Variants in MACROD2 observed in about 807,000 individuals in gnomAD.
MACROD2 encodes the protein ADP-ribose glycohydrolase MACROD2.
Under a neutral mutation model 70.4 loss-of-function variants are expected in MACROD2, and 36 were observed. The ratio of observed to expected loss-of-function variants is 0.51; its 90% confidence interval spans 0.39 to 0.68. The LOEUF (loss-of-function observed/expected upper bound fraction) is 0.68, where lower values mean the gene tolerates loss of function less well. Ranked by LOEUF, MACROD2 falls within the 30% of genes least tolerant of loss-of-function variation. The pLI, the probability that MACROD2 is intolerant of heterozygous loss-of-function variation, is 0.00. For synonymous variants in MACROD2, 172 were observed against 178.8 expected (o/e 0.96, Z 0.30); for missense variants, 496 against 538.4 (o/e 0.92, Z 0.78).
intron 5 of MACROD2, among the ~76,000 whole-genome samples, chr20:14,772,954 A>T (rs2072188625): frequency 6.6e-6 from 1 of 152,088 alleles, no homozygotes; most frequent in South Asian, 2.1e-4. Context: ...AGCAACTCCA[A>T]GACATCAGGG....
chr20:15,689,302 C>T (rs2050268848), intron 8 of MACROD2, among the ~76,000 whole-genome samples: 1 of 148,616 alleles, frequency 6.7e-6, no homozygotes, highest in South Asian at 2.1e-4. Flanking sequence ...GAGATTCCGT[C>T]TCAAAAAAAA....
intron 5 of MACROD2, among the ~76,000 whole-genome samples, chr20:15,176,662 C>A (rs1002357840): frequency 5.3e-5 from 8 of 152,128 alleles, no homozygotes; most frequent in Non-Finnish European, 5.9e-5. Flanking sequence ...TTGCTCATCC[C>A]CCAATTGTCC....
intron 6 of MACROD2, among the ~76,000 whole-genome samples, chr20:15,289,573 G>A (rs547558842): frequency 6.6e-6 from 1 of 152,358 alleles, no homozygotes; most frequent in African/African-American, 2.4e-5. Flanking sequence ...GAACAAGGAA[G>A]TGGCAGGAGA....
chr20:15,007,383 A>C (rs574188819), intron 5 of MACROD2, among the ~76,000 whole-genome samples: 121 of 151,844 alleles, frequency 8.0e-4, no homozygotes, highest in Non-Finnish European at 1.1e-3. Context: ...AACAAACAAA[A>C]AAAAAACACA....
At chr20:14,880,596 C>T (rs2073599885) in intron 5 of MACROD2, among the ~76,000 whole-genome samples, 1 of 152,160 alleles carries the variant, frequency 6.6e-6, no homozygotes, top group Non-Finnish European at 1.5e-5. Context: ...ATCCTCTGCT[C>T]AGCACTATTC....
chr20:14,484,158 C>G (rs902313191), intron 3 of MACROD2, among the ~76,000 whole-genome samples: 30 of 152,238 alleles, frequency 2.0e-4, no homozygotes, highest in African/African-American at 5.8e-4. Flanking sequence ...CTTATGCATG[C>G]TAAATTTCAG....
At chr20:15,004,674 G>T (rs1363442019) in intron 5 of MACROD2, among the ~76,000 whole-genome samples, 1 of 152,124 alleles carries the variant, frequency 6.6e-6, no homozygotes, top group Non-Finnish European at 1.5e-5. Flanking sequence ...TGGAAAGAAG[G>T]CACTTAAGTG....
At chr20:14,139,635 T>C (rs2148704756) in intron 3 of MACROD2, among the ~76,000 whole-genome samples, 1 of 152,356 alleles carries the variant, frequency 6.6e-6, no homozygotes, top group South Asian at 2.1e-4. Context: ...TTTGAGGCTC[T>C]ACTATTTTGA....
chr20:15,040,422 TG>T (rs1600987080), intron 5 of MACROD2, among the ~76,000 whole-genome samples: 4 of 152,058 alleles, frequency 2.6e-5, no homozygotes, highest in Admixed American at 2.0e-4. Flanking sequence ...ATGGTGACAA[TG>T]GTTTACTCTC....
At chr20:15,253,661 G>C (rs1332944203) in intron 6 of MACROD2, among the ~76,000 whole-genome samples, 1 of 152,074 alleles carries the variant, frequency 6.6e-6, no homozygotes, top group Non-Finnish European at 1.5e-5. Context: ...CCTTCCGCTG[G>C]GGCAAGAATA....
chr20:14,818,202 C>CACCATCAT (rs1392225251), intron 5 of MACROD2, among the ~76,000 whole-genome samples: 2 of 152,068 alleles, frequency 1.3e-5, no homozygotes, highest in African/African-American at 4.8e-5. Context: ...TATGACACAC[C>CACCATCAT]ACCATCATTG....
intron 6 of MACROD2, among the ~76,000 whole-genome samples, chr20:15,310,818 A>G (rs961509682): frequency 8.5e-5 from 13 of 152,172 alleles, no homozygotes; most frequent in African/African-American, 3.1e-4. Context: ...AACAGAAAGG[A>G]AATTTCATCC....
Position 14,786,969 on chromosome 20 carries a change from T to C in MACROD2, c.418+102010T>C, listed in dbSNP as rs138682916. ...AACAGCCACCACTGGGAAATTCAAA[T>C]GATCATAGGCAATTTCTAAGGAGGT... On this transcript the variant is annotated intron_variant, in intron 5 of 17. Transcript: ENST00000684519. 2.6e-4 allele frequency among the ~76,000 whole-genome samples: 39 copies of C among 152,184 alleles called. 1 individual carries two copies. In the East Asian group the frequency reaches 7.2e-3, roughly 28 times the overall value.
At chr20:14,613,222 G>A (rs1271330418) in intron 4 of MACROD2, among the ~76,000 whole-genome samples, 1 of 152,104 alleles carries the variant, frequency 6.6e-6, no homozygotes, top group African/African-American at 2.4e-5. Flanking sequence ...GTATGTTTGC[G>A]ATACATGAAT....
At chr20:15,723,387 T>C (rs2050816230) in intron 8 of MACROD2, among the ~76,000 whole-genome samples, 1 of 152,192 alleles carries the variant, frequency 6.6e-6, no homozygotes, top group Admixed American at 6.6e-5. Flanking sequence ...ACCACCACTA[T>C]AGTATCTTAC....
chr20:15,917,380 G>C (rs1197059324), intron 10 of MACROD2, among the ~76,000 whole-genome samples: 1 of 152,164 alleles, frequency 6.6e-6, no homozygotes, highest in African/African-American at 2.4e-5. Context: ...TATGGTCTCA[G>C]AAAATTCATA....
chr20:14,625,516 C>T (rs1984094607), intron 4 of MACROD2, among the ~76,000 whole-genome samples: 1 of 151,996 alleles, frequency 6.6e-6, no homozygotes. Flanking sequence ...AGTCATTGGC[C>T]ACTCCAATGC....
At chr20:15,849,327 G>GGAAGATATGTTAATATC (rs1256629274) in intron 8 of MACROD2, among the ~76,000 whole-genome samples, 7 of 152,146 alleles carry the variant, frequency 4.6e-5, no homozygotes, top group Admixed American at 6.5e-5. Context: ...AACAGCTTTT[G>GGAAGATATGTTAATATC]TCCTCACAAA....
intron 3 of MACROD2, among the ~76,000 whole-genome samples, chr20:14,157,732 A>G (rs1369446866): frequency 1.3e-5 from 2 of 152,150 alleles, no homozygotes; most frequent in African/African-American, 2.4e-5. Context: ...CTCCTCTTCA[A>G]TCCATGTTGC....
Sources: gnomAD v4.1 joint callset for allele counts (sites outside exome capture counted in the v4.1 genomes callset) on GRCh38, gnomAD v4.1.1 for gene constraint, MANE v1.5 for transcripts, NCBI Gene and HGNC (gene_info 2026-07-23, HGNC 2026-07-21) for gene names.